The following CSMD1 variants were observed in gnomAD, a reference collection of about 807,000 sequenced individuals.
The protein encoded by CSMD1 is CUB and sushi domain-containing protein 1.
CSMD1 carries 213 observed loss-of-function variants against 417.5 expected under a neutral mutation model. That is an observed-to-expected ratio of 0.51 (90% CI 0.46 to 0.57). The LOEUF is 0.57. CSMD1 is among the 20% of genes least tolerant of loss of function. The pLI is 0.00. For synonymous variants in CSMD1, 2,862 were observed against 1,736.8 expected (o/e 1.65, Z -16.11); for missense variants, 6,923 against 4,529.7 (o/e 1.53, Z -15.17).
At chr8:4,080,637 G>C (rs188185802) in intron 3 of CSMD1, among the ~76,000 whole-genome samples, 8 of 152,228 alleles carry the variant, frequency 5.3e-5, no homozygotes, top group Non-Finnish European at 8.8e-5. Flanking sequence ...AATTTTATCA[G>C]TTTTATTAGC....
At chr8:4,008,153 C>G (rs539804625) in intron 4 of CSMD1, among the ~76,000 whole-genome samples, 98 of 152,130 alleles carry the variant, frequency 6.4e-4, no homozygotes, top group African/African-American at 2.4e-3. Context: ...ATAGTCACAG[C>G]AAAACATTTT....
intron 3 of CSMD1, among the ~76,000 whole-genome samples, chr8:4,110,409 T>C (rs9314513): frequency 0.29 from 43,423 of 151,990 alleles, 6,707 homozygotes; most frequent in Middle Eastern, 0.41. Context: ...GTCAAAAATA[T>C]AGTACTCTGG....
intron 5 of CSMD1, among the ~76,000 whole-genome samples, chr8:3,843,559 C>T (rs1025735486): frequency 2.6e-5 from 4 of 151,838 alleles, no homozygotes; most frequent in African/African-American, 9.7e-5. Context: ...AAGTTATTCA[C>T]GATGCTTTTA....
At chr8:3,617,469 C>CT (rs1015921335) in intron 7 of CSMD1, among the ~76,000 whole-genome samples, 6 of 151,684 alleles carry the variant, frequency 4.0e-5, no homozygotes, top group Admixed American at 6.6e-5. Flanking sequence ...TAACACATTT[C>CT]TTTTTTTTTC....
chr8:4,687,921 T>C (rs776230152), intron 1 of CSMD1, among the ~76,000 whole-genome samples: 6 of 152,136 alleles, frequency 3.9e-5, no homozygotes, highest in Non-Finnish European at 7.3e-5. Flanking sequence ...CATATGTGAA[T>C]TGTGATGGTT....
At chr8:4,746,882 A>G (rs886163410) in intron 1 of CSMD1, among the ~76,000 whole-genome samples, 3 of 152,216 alleles carry the variant, frequency 2.0e-5, no homozygotes, top group Non-Finnish European at 4.4e-5. Flanking sequence ...TTAAAAGCAT[A>G]ATTGACTTAG....
At chr8:4,863,044 C>G (rs369735489) in intron 1 of CSMD1, among the ~76,000 whole-genome samples, 7 of 151,972 alleles carry the variant, frequency 4.6e-5, no homozygotes, top group Admixed American at 1.3e-4. Flanking sequence ...TTGGGCTTGA[C>G]AATGTGAGGT....
At chr8:4,989,505 A>G (rs759073178) in intron 1 of CSMD1, among the ~76,000 whole-genome samples, 1 of 152,206 alleles carries the variant, frequency 6.6e-6, no homozygotes. Context: ...TAGTTGATCA[A>G]ATAAAACTTA....
chr8:4,560,799 T>C (rs1482134917), intron 2 of CSMD1, among the ~76,000 whole-genome samples: 1 of 152,240 alleles, frequency 6.6e-6, no homozygotes, highest in Non-Finnish European at 1.5e-5. Context: ...GAAGACTTCC[T>C]AATGATTCTG....
At chr8:4,453,844 C>T (rs1303887091) in intron 2 of CSMD1, among the ~76,000 whole-genome samples, 11 of 75,674 alleles carry the variant, frequency 1.5e-4, no homozygotes, top group East Asian at 3.8e-4. Context: ...TTTTTTGAGA[C>T]AGAGTCTCAC....
At position 3,766,236 on chromosome 8, in the gene CSMD1, G is replaced by A. The variant is rs531080459; in HGVS notation, c.819-12194C>T. Among the ~76,000 whole-genome samples the A allele has an allele frequency of 4.9e-4, 74 of 152,280 alleles. 3 individuals carry two copies. Among genetic ancestry groups the A allele is most frequent in the South Asian group, 2.1e-4 (1 of 4,824 alleles). On this transcript the variant is annotated intron_variant, in intron 5 of 69. Coordinates refer to ENST00000635120, the MANE Select transcript of CSMD1 (RefSeq NM_033225.6). ...GTGCGCTTTCTTCTGCCGGATGAGAGAGCTGTCATGCCCCACCTGGAAATC... is the reference window on the plus strand; with the variant it reads ...GTGCGCTTTCTTCTGCCGGATGAGAAAGCTGTCATGCCCCACCTGGAAATC...
intron 15 of CSMD1, 28 bp from the exon 16 acceptor site, chr8:3,399,557 G>C: frequency 6.5e-7 from 1 of 1,537,068 alleles, no homozygotes; most frequent in Non-Finnish European, 8.8e-7. Flanking sequence ...ATATCTATTA[G>C]ATCCAATGAG....
chr8:4,035,720 G>C (rs754637171), intron 3 of CSMD1, among the ~76,000 whole-genome samples: 1 of 152,104 alleles, frequency 6.6e-6, no homozygotes, highest in East Asian at 1.9e-4. Context: ...ATATTATTAC[G>C]GAAGAGTCAA....
chr8:4,256,088 T>C (rs1042684773), intron 3 of CSMD1, among the ~76,000 whole-genome samples: 10 of 152,210 alleles, frequency 6.6e-5, no homozygotes, highest in African/African-American at 2.4e-4. Flanking sequence ...CAAACGTAGG[T>C]GAATCCCAGA....
intron 3 of CSMD1, among the ~76,000 whole-genome samples, chr8:4,302,406 A>G (rs1043006724): frequency 6.6e-6 from 1 of 152,224 alleles, no homozygotes; most frequent in Admixed American, 6.5e-5. Flanking sequence ...AAACCTTTAT[A>G]TATGTGATTA....
intron 10 of CSMD1, among the ~76,000 whole-genome samples, chr8:3,552,725 G>C (rs13328375): frequency 6.6e-5 from 10 of 152,058 alleles, no homozygotes; most frequent in African/African-American, 1.7e-4. Flanking sequence ...AATTATCTAC[G>C]TAAAGTATGC....
intron 3 of CSMD1, among the ~76,000 whole-genome samples, chr8:4,380,862 A>G (rs560999016): frequency 2.0e-5 from 3 of 152,270 alleles, no homozygotes; most frequent in African/African-American, 7.2e-5. Context: ...TTTTATTAGT[A>G]TATTACTATA....
At chr8:4,867,770 G>A (rs1802503436) in intron 1 of CSMD1, among the ~76,000 whole-genome samples, 1 of 152,078 alleles carries the variant, frequency 6.6e-6, no homozygotes, top group South Asian at 2.1e-4. Flanking sequence ...GTAGCTTAAA[G>A]ATAAGAGTGT....
At chr8:3,672,696 G>T (rs1799141411) in intron 7 of CSMD1, among the ~76,000 whole-genome samples, 1 of 152,182 alleles carries the variant, frequency 6.6e-6, no homozygotes, top group Non-Finnish European at 1.5e-5. Context: ...TGTCTCCAGT[G>T]ATGGGCATGG....
Sources: allele counts gnomAD v4.1 joint callset (sites outside exome capture counted in the v4.1 genomes callset), GRCh38; gene constraint gnomAD v4.1.1; transcripts MANE v1.5; gene names NCBI Gene and HGNC (gene_info 2026-07-23, HGNC 2026-07-21).